CHODL: variants seen among roughly 807,000 people sequenced by gnomAD.
CHODL encodes the protein transmembrane protein MT75.
CHODL carries 29 observed loss-of-function variants against 34.5 expected under a neutral mutation model. That is an observed-to-expected ratio of 0.84 (90% CI 0.63 to 1.15). The LOEUF is 1.15. Ranked by LOEUF, CHODL falls within the 50% of genes most tolerant of loss-of-function variation. The pLI, the probability that CHODL is intolerant of heterozygous loss-of-function variation, is 0.00. For synonymous variants in CHODL, 125 were observed against 116.1 expected (o/e 1.08, Z -0.49); for missense variants, 332 against 332.5 (o/e 1.00, Z 0.01).
At chr21:18,058,717 C>T (rs571007449) in intron 2 of CHODL, among the ~76,000 whole-genome samples, 1 of 152,272 alleles carries the variant, frequency 6.6e-6, no homozygotes, top group East Asian at 1.9e-4. Flanking sequence ...TGGTTATAAT[C>T]TTTCTTGGCC....
chr21:18,135,307 G>C (rs1419695626), intron 2 of CHODL, among the ~76,000 whole-genome samples: 1 of 151,602 alleles, frequency 6.6e-6, no homozygotes, highest in African/African-American at 2.4e-5. Context: ...AGTTCCAACT[G>C]TTTCAAACTC....
intron 1 of CHODL, among the ~76,000 whole-genome samples, chr21:18,254,923 T>C (rs1190868619): frequency 2.0e-5 from 3 of 152,104 alleles, no homozygotes; most frequent in Non-Finnish European, 4.4e-5. Context: ...ACAGATGTTA[T>C]TAGAGCAGAA....
At chr21:18,123,285 G>A (rs1196101466) in intron 2 of CHODL, among the ~76,000 whole-genome samples, 5 of 152,104 alleles carry the variant, frequency 3.3e-5, no homozygotes, top group Non-Finnish European at 5.9e-5. Context: ...ATGATCATTT[G>A]GCTTAACCCC....
At chr21:18,139,457 T>C (rs113983140) in intron 2 of CHODL, among the ~76,000 whole-genome samples, 78 of 150,710 alleles carry the variant, frequency 5.2e-4, no homozygotes, top group African/African-American at 1.7e-3. Context: ...AAATTCATTA[T>C]TGAAATTCGA....
intron 1 of CHODL, among the ~76,000 whole-genome samples, chr21:18,008,242 C>T (rs771329323): frequency 1.8e-4 from 27 of 151,250 alleles, no homozygotes; most frequent in Non-Finnish European, 1.5e-4. Flanking sequence ...TGTATGTATG[C>T]GTATACCCAT....
intron 2 of CHODL, among the ~76,000 whole-genome samples, chr21:18,146,966 A>T (rs2072898271): frequency 6.6e-6 from 1 of 152,118 alleles, no homozygotes; most frequent in South Asian, 2.1e-4. Context: ...GTGAAAAGTG[A>T]CTCATTACTT....
intron 2 of CHODL, among the ~76,000 whole-genome samples, chr21:18,193,443 C>T (rs1035156035): frequency 4.6e-5 from 7 of 151,972 alleles, no homozygotes; most frequent in South Asian, 2.1e-4. Flanking sequence ...CACCTGTAAT[C>T]CCAGCATTTT....
At position 18,257,757 on chromosome 21, in the gene CHODL, A is replaced by C. The variant is rs116200566; in HGVS notation, c.547+630A>C. 1.7e-4 allele frequency among the ~76,000 whole-genome samples: 26 copies of C among 152,278 alleles called. No individual in the cohort carries two copies. The South Asian group carries it at 3.1e-3, about 18-fold the overall frequency. On this transcript the variant is annotated intron_variant, in intron 3 of 5. Transcript: ENST00000299295. ...CTACTTGTCATATGCAGCAAATGGG[A>C]ATCTTACATTGACTTGAGCTATACT...
At chr21:18,124,400 T>C (rs2065517646) in intron 2 of CHODL, among the ~76,000 whole-genome samples, 2 of 152,212 alleles carry the variant, frequency 1.3e-5, no homozygotes, top group African/African-American at 2.4e-5. Context: ...CATTCTGATA[T>C]GTCACTGCTG....
intron 2 of CHODL, among the ~76,000 whole-genome samples, chr21:18,212,717 A>G (rs2073786492): frequency 6.6e-6 from 1 of 152,148 alleles, no homozygotes; most frequent in Non-Finnish European, 1.5e-5. Flanking sequence ...AGCTTTCTGT[A>G]AATATTCACT....
At chr21:18,263,048 A>G (rs930794585) in intron 5 of CHODL, among the ~76,000 whole-genome samples, 155 bp downstream of exon 5, 1 of 152,186 alleles carries the variant, frequency 6.6e-6, no homozygotes, top group Non-Finnish European at 1.5e-5. Context: ...GGATAGAATT[A>G]ATGTAATATA....
chr21:18,069,473 A>G (rs1008105597), intron 2 of CHODL, among the ~76,000 whole-genome samples: 2 of 151,992 alleles, frequency 1.3e-5, no homozygotes, highest in Non-Finnish European at 2.9e-5. Context: ...CCATTGATTG[A>G]GAATATACAT....
intron 2 of CHODL, among the ~76,000 whole-genome samples, chr21:18,202,146 G>A (rs1376599528): frequency 6.6e-6 from 1 of 152,098 alleles, no homozygotes; most frequent in Non-Finnish European, 1.5e-5. Flanking sequence ...TACCATGTAA[G>A]CTTCTTTCAA....
At chr21:18,043,762 T>G (rs1416336588) in intron 2 of CHODL, among the ~76,000 whole-genome samples, 1 of 151,900 alleles carries the variant, frequency 6.6e-6, no homozygotes, top group Non-Finnish European at 1.5e-5. Flanking sequence ...TACCAGAGAC[T>G]GTAATTTATA....
upstream of CHODL, among the ~76,000 whole-genome samples, chr21:18,240,778 A>G (rs896676908): frequency 2.6e-5 from 4 of 152,180 alleles, no homozygotes; most frequent in Non-Finnish European, 5.9e-5. Flanking sequence ...ACATGCACAT[A>G]TATTTATATG....
At chr21:17,980,798 T>C (rs371855880) in intron 1 of CHODL, among the ~76,000 whole-genome samples, 13 of 152,328 alleles carry the variant, frequency 8.5e-5, no homozygotes, top group African/African-American at 3.1e-4. Context: ...GTGCATGTGA[T>C]CATGTGTGCA....
chr21:18,021,763 A>C (rs990091786), intron 1 of CHODL, among the ~76,000 whole-genome samples: 4 of 60,110 alleles, frequency 6.7e-5, no homozygotes, highest in Admixed American at 4.2e-4. Context: ...ACATAAAAAC[A>C]GCCCTTCATG....
At chr21:18,263,354 G>C (rs1479687940) in intron 5 of CHODL, among the ~76,000 whole-genome samples, 1 of 152,036 alleles carries the variant, frequency 6.6e-6, no homozygotes, top group East Asian at 1.9e-4. Context: ...CAAGTCACAG[G>C]TTTCTGTTTT....
intron 1 of CHODL, among the ~76,000 whole-genome samples, chr21:17,947,500 C>T (rs1426290950): frequency 6.6e-6 from 1 of 151,256 alleles, no homozygotes; most frequent in Non-Finnish European, 1.5e-5. Context: ...GTGCTAATAT[C>T]CAGAATCTAC....
Sources: gnomAD v4.1 joint callset for allele counts (sites outside exome capture counted in the v4.1 genomes callset) on GRCh38, gnomAD v4.1.1 for gene constraint, MANE v1.5 for transcripts, NCBI Gene and HGNC (gene_info 2026-07-23, HGNC 2026-07-21) for gene names.